The following RAB37 variants were observed in gnomAD, a reference collection of about 807,000 sequenced individuals.
The protein encoded by RAB37 is ras-related protein Rab-37.
Under a neutral mutation model 33.1 loss-of-function variants are expected in RAB37, and 29 were observed. The observed-to-expected ratio is 0.88, with a 90% CI of 0.65 to 1.20. The LOEUF (loss-of-function observed/expected upper bound fraction) is 1.20. Ranked by LOEUF, RAB37 falls within the 50% of genes most tolerant of loss-of-function variation. The pLI is 0.00. For synonymous variants in RAB37, 128 were observed against 119.5 expected, an observed-to-expected ratio of 1.07 and a Z score of -0.47; for missense variants, 299 against 301.1, an observed-to-expected ratio of 0.99 and a Z score of 0.05.
At chr17:74,681,895 C>A (rs764908258) in intron 1 of RAB37, among the ~76,000 whole-genome samples, 1 of 152,224 alleles carries the variant, frequency 6.6e-6, no homozygotes, top group African/African-American at 2.4e-5. Context: ...CCCTGTCCAC[C>A]ACCTGTCCTG....
At chr17:74,715,077 G>A (rs1034912211) in intron 1 of RAB37, among the ~76,000 whole-genome samples, 1 of 152,124 alleles carries the variant, frequency 6.6e-6, no homozygotes, top group Non-Finnish European at 1.5e-5. Context: ...AGCTGAGATC[G>A]CACCATTGCA....
intron 1 of RAB37, among the ~76,000 whole-genome samples, chr17:74,672,154 C>A (rs928610523): frequency 6.6e-6 from 1 of 152,180 alleles, no homozygotes; most frequent in African/African-American, 2.4e-5. Context: ...TCCCTCACAG[C>A]CCCTGTAAGC....
rs1268140222 is a variant in RAB37, at chr17:74,744,860, T to A, written c.433-13T>A. 1.2e-6 allele frequency: 2 copies of A among 1,614,086 alleles called. No individual in the cohort carries two copies. The highest frequency in any genetic ancestry group is 1.7e-6 in the Non-Finnish European group (2 of 1,180,026). ...GGCCTCCTTCCCCAGAGTGACCCAT[T>A]TGGGCTTGACAGGCGGATATGAGCA... On this transcript the variant is annotated splice_polypyrimidine_tract_variant and intron_variant, in intron 6 of 8. Coordinates refer to ENST00000392613, the MANE Select transcript of RAB37 (RefSeq NM_001006638.3). This position sits in a 1 kb window ranked among gnomAD's most constrained non-coding sequence, Gnocchi z 4.2.
In RAB37 at chr17:74,729,187, C is replaced by T; in HGVS notation, c.73-69C>T. On this transcript the variant is annotated intron_variant, in intron 1 of 7. Coordinates refer to the RAB37 transcript ENST00000340415. The surrounding 1 kb of genome is among the most constrained non-coding windows in gnomAD (Gnocchi z 4.2). The stretch of plus-strand genomic sequence containing the variant: ...GCTTAGAAAGAATCCACTCCCACAG[C>T]CACAAGGACACCTCTGAGGCCAACT... 1 of 1,077,878 alleles carries T rather than the reference C, an allele frequency of 9.3e-7. No individual in the cohort carries two copies. The highest frequency in any genetic ancestry group is 1.4e-6 in the Non-Finnish European group (1 of 691,164). 66.8% of individuals were successfully genotyped at this position (1,077,878 alleles called of 1,614,324 possible). A position where few individuals can be genotyped will look rare whatever the true frequency, so the allele number is the denominator to read the frequency against.
Position 74,737,465 on chromosome 17 carries a change from C to A in RAB37, c.93+100C>A, listed in dbSNP as rs1353980945. ...CAGCCCTTCCCCCAGGCAGCTGCGT[C>A]TCCCAGAGGAGGGAGGGAGAGAGGG... On this transcript the variant is annotated intron_variant, in intron 1 of 8. Coordinates refer to ENST00000392613, the MANE Select transcript of RAB37 (RefSeq NM_001006638.3). 4 of 1,310,096 alleles carry A rather than the reference C, an allele frequency of 3.1e-6. No individual in the cohort carries two copies. In the East Asian group the frequency reaches 7.6e-5, roughly 25 times the overall value. The allele number at this position is 1,310,096 out of a possible 1,614,324, so 81.2% of individuals were successfully genotyped here. A position where few individuals can be genotyped will look rare whatever the true frequency, so the allele number is the denominator to read the frequency against.
Position 74,730,195 on chromosome 17 carries a change from C to CT in RAB37, c.183+831dup. The stretch of plus-strand genomic sequence containing the variant: ...TGTGGCAGGAAGAGCAGGGCCTTCC[C>CT]TTGGGACTCCAGAATCCTAGCATCT... On this transcript the variant is annotated intron_variant, in intron 2 of 7. Transcript: ENST00000340415. This position sits in a 1 kb window ranked among gnomAD's most constrained non-coding sequence, Gnocchi z 4.4. Among the ~76,000 whole-genome samples, 5 of 152,286 alleles carry CT rather than the reference C, an allele frequency of 3.3e-5. No individual in the cohort carries two copies. The Middle Eastern group carries it at 0.01, about 311-fold the overall frequency.
chr17:74,684,832 G>A (rs2143485835), intron 1 of RAB37, among the ~76,000 whole-genome samples: 1 of 149,796 alleles, frequency 6.7e-6, no homozygotes, highest in Middle Eastern at 3.4e-3. Context: ...ATACATGCAT[G>A]TGTTTATTTA....
chr17:74,718,417 G>C (rs1044618232), intron 1 of RAB37, among the ~76,000 whole-genome samples: 2 of 151,358 alleles, frequency 1.3e-5, no homozygotes, highest in African/African-American at 4.8e-5. Flanking sequence ...TAGTGGGTTA[G>C]AGAAAAAAAA....
intron 1 of RAB37, among the ~76,000 whole-genome samples, chr17:74,688,782 A>G (rs991742477): frequency 6.6e-6 from 1 of 152,174 alleles, no homozygotes; most frequent in South Asian, 2.1e-4. Flanking sequence ...AAAATGAAGA[A>G]AGATTTTGCA....
In RAB37 at chr17:74,724,146, G is replaced by A. The variant is rs1003734830; in HGVS notation, c.73-5110G>A. Among the ~76,000 whole-genome samples the A allele has an allele frequency of 7.2e-5, 11 of 152,214 alleles. 1 individual carries two copies. The South Asian group carries it at 8.3e-4, about 11-fold the overall frequency. On this transcript the variant is annotated intron_variant, in intron 1 of 7. Transcript: ENST00000340415. ...TGACACAGCCTCAGGAAGTCCTGAC[G>A]ACATGTGGCCAAGGTGGTCAGGGCA... is the stretch of plus-strand genomic sequence containing the variant.
At chr17:74,702,078 G>T (rs1421424615) in intron 1 of RAB37, among the ~76,000 whole-genome samples, 1 of 151,926 alleles carries the variant, frequency 6.6e-6, no homozygotes, top group Non-Finnish European at 1.5e-5. Context: ...GAAGGCAAAT[G>T]GGAGAGGGGG....
At chr17:74,675,252 T>C (rs1453200120) in intron 1 of RAB37, among the ~76,000 whole-genome samples, 1 of 151,946 alleles carries the variant, frequency 6.6e-6, no homozygotes, top group African/African-American at 2.4e-5. Flanking sequence ...CTGGCCAACA[T>C]GGTGAAACCC....
chr17:74,711,928 A>T (rs1430407683), intron 1 of RAB37, among the ~76,000 whole-genome samples: 1 of 132,252 alleles, frequency 7.6e-6, no homozygotes. Flanking sequence ...TTTTTGAAAC[A>T]GAGTCTCGCT....
chr17:74,710,528 A>G (rs1244300328), intron 1 of RAB37, among the ~76,000 whole-genome samples: 1 of 152,064 alleles, frequency 6.6e-6, no homozygotes, highest in Non-Finnish European at 1.5e-5. Flanking sequence ...AATTCCTAGG[A>G]ATAACTTTAA....
In RAB37 at chr17:74,729,335, C is replaced by T; in HGVS notation, c.152C>T (p.Ser51Phe). ...GATCAGGGCAAGTTCATCCCCGGCT[C>T]CTTCTCGGCCACTGTGGGCATCGGA... The change falls in exon 2 of 8, where the codon TCC becomes TTC. Residue 51 changes from serine (S) to phenylalanine (F), a missense_variant. By Grantham distance (155) the Ser-to-Phe change is radical. Transcript: ENST00000340415. This position sits in a 1 kb window ranked among gnomAD's most constrained non-coding sequence, Gnocchi z 4.2. 1 of 1,614,084 alleles carries T rather than the reference C, an allele frequency of 6.2e-7. No individual in the cohort carries two copies. The highest frequency in any genetic ancestry group is 8.5e-7 in the Non-Finnish European group (1 of 1,179,988).
intron 1 of RAB37, among the ~76,000 whole-genome samples, chr17:74,711,055 C>T (rs906457016): frequency 6.6e-6 from 1 of 152,058 alleles, no homozygotes; most frequent in African/African-American, 2.4e-5. Context: ...AATAAAAAAC[C>T]TTCCTTTCTC....
At chr17:74,732,895 G>A (rs891703242), upstream of RAB37, among the ~76,000 whole-genome samples, 6 of 132,598 alleles carry the variant, frequency 4.5e-5, no homozygotes, top group Non-Finnish European at 8.1e-5. Flanking sequence ...ACTGACACTT[G>A]GTACCTCCAC....
chr17:74,694,054 C>T (rs2143515212), intron 1 of RAB37, among the ~76,000 whole-genome samples: 1 of 152,210 alleles, frequency 6.6e-6, no homozygotes, highest in African/African-American at 2.4e-5. Flanking sequence ...CTTATACAAA[C>T]AGTGCAGACT....
intron 1 of RAB37, among the ~76,000 whole-genome samples, chr17:74,699,698 C>G (rs2143655401): frequency 6.6e-6 from 1 of 152,238 alleles, no homozygotes; most frequent in African/African-American, 2.4e-5. Flanking sequence ...TCCTGGCCTC[C>G]TTAGCTGTGA....
Sources: allele counts gnomAD v4.1 joint callset (sites outside exome capture counted in the v4.1 genomes callset), GRCh38; gene constraint gnomAD v4.1.1; non-coding constraint Gnocchi (gnomAD v3.1); transcripts MANE v1.5; gene names NCBI Gene and HGNC (gene_info 2026-07-23, HGNC 2026-07-21).